The following RICTOR variants were observed in gnomAD, a reference collection of about 807,000 sequenced individuals.
RICTOR encodes the protein rapamycin-insensitive companion of mTOR.
Under a neutral mutation model 214.9 loss-of-function variants are expected in RICTOR, and 49 were observed. The observed-to-expected ratio is 0.23, with a 90% confidence interval of 0.18 to 0.29. The LOEUF is 0.29. Among genes scored for constraint, RICTOR ranks in the 10% least tolerant of loss-of-function variants. The pLI is 1.00. For synonymous variants in RICTOR, 717 were observed against 711.3 expected (o/e 1.01, Z -0.13); for missense variants, 1,625 against 2,047.0 (o/e 0.79, Z 3.98).
chr5:39,063,053 T>C (rs1758663546), intron 2 of RICTOR, among the ~76,000 whole-genome samples: 1 of 152,138 alleles, frequency 6.6e-6, no homozygotes, highest in South Asian at 2.1e-4. Flanking sequence ...CCAGACTGCA[T>C]ACATCTAGAA....
At chr5:39,060,914 T>A (rs1758498472) in intron 2 of RICTOR, among the ~76,000 whole-genome samples, 1 of 152,008 alleles carries the variant, frequency 6.6e-6, no homozygotes, top group African/African-American at 2.4e-5. Context: ...AATACCTATA[T>A]GATCTTGGGC....
chr5:38,990,691 A>C (rs372862784), intron 7 of RICTOR, among the ~76,000 whole-genome samples: 181 of 4,806 alleles, frequency 0.038, 8 homozygotes, highest in East Asian at 0.07. Context: ...TATCATATAT[A>C]TGATATATAT....
At chr5:38,976,788 A>G (rs1375195928) in intron 9 of RICTOR, among the ~76,000 whole-genome samples, 1 of 152,206 alleles carries the variant, frequency 6.6e-6, no homozygotes, top group African/African-American at 2.4e-5. Context: ...CAAATAGGAA[A>G]GATTCTGATG....
At chr5:39,040,936 T>C (rs1416709247) in intron 2 of RICTOR, among the ~76,000 whole-genome samples, 4 of 152,148 alleles carry the variant, frequency 2.6e-5, no homozygotes, top group African/African-American at 9.7e-5. Flanking sequence ...AACAGTAATA[T>C]AATAGACAGG....
At chr5:39,010,025 C>T (rs185454663) in intron 3 of RICTOR, among the ~76,000 whole-genome samples, 50 of 152,254 alleles carry the variant, frequency 3.3e-4, no homozygotes, top group Admixed American at 9.8e-4. Flanking sequence ...CAAAATCTCA[C>T]CTTGAATTCT....
At chr5:38,991,994 G>C (rs1291686670) in intron 6 of RICTOR, among the ~76,000 whole-genome samples, 4 of 152,034 alleles carry the variant, frequency 2.6e-5, no homozygotes, top group Non-Finnish European at 5.9e-5. Context: ...CTTGTGAGAT[G>C]AAACAATTAG....
chr5:39,014,726 C>G (rs879915313), intron 3 of RICTOR, among the ~76,000 whole-genome samples: 2 of 152,034 alleles, frequency 1.3e-5, no homozygotes, highest in African/African-American at 2.4e-5. Context: ...ATTACTTTAT[C>G]CAGTGAGATG....
intron 2 of RICTOR, among the ~76,000 whole-genome samples, chr5:39,039,239 G>C (rs1203453272): frequency 2.6e-5 from 4 of 152,130 alleles, no homozygotes; most frequent in Admixed American, 2.0e-4. Flanking sequence ...TTAATAAATG[G>C]TGCTGGGAAA....
chr5:38,976,772 C>T (rs778250341), intron 9 of RICTOR, among the ~76,000 whole-genome samples: 1 of 152,142 alleles, frequency 6.6e-6, no homozygotes, highest in Non-Finnish European at 1.5e-5. Flanking sequence ...GAAGAAAGTA[C>T]AGAACCAAAT....
Position 38,940,257 on chromosome 5 carries a change from G to T in RICTOR, c.*2047C>A, listed in dbSNP as rs141174635. 2.1e-3 allele frequency: 473 copies of T among 229,622 alleles called. 9 individuals are homozygous for T. In the East Asian group the frequency reaches 0.028, roughly 14 times the overall value. 14.2% of individuals were successfully genotyped at this position (229,622 alleles called of 1,614,324 possible). ...GGTGGGGGAGGGGGTGTGTGTGTGT[G>T]TAAGACAAAAAAAAAATTACTGTTA... On this transcript the variant is annotated 3_prime_UTR_variant, in exon 38 of 38. Coordinates refer to ENST00000357387, the MANE Select transcript of RICTOR (RefSeq NM_152756.5).
At chr5:39,049,384 T>C (rs897478471) in intron 2 of RICTOR, among the ~76,000 whole-genome samples, 1 of 152,320 alleles carries the variant, frequency 6.6e-6, no homozygotes, top group African/African-American at 2.4e-5. Context: ...GCTGGTAAAC[T>C]TGTTCATAGA....
rs769030481 is a variant in RICTOR, at chr5:38,958,641, T to C, written c.2343+26A>G. On this transcript the variant is annotated intron_variant, in intron 23 of 37. Transcript: ENST00000357387. ...TGAGTATTTCAAAAAAATTTAAGTA[T>C]TAAATTATAAAAAATGAACCTTTAC... 7.1e-6 allele frequency: 11 copies of C among 1,557,286 alleles called. No individual in the cohort carries two copies. The South Asian group carries it at 9.6e-5, about 14-fold the overall frequency.
chr5:38,959,693 G>T, intron 21 of RICTOR, 86 bp downstream of exon 21: 1 of 863,490 alleles, frequency 1.2e-6, no homozygotes. Flanking sequence ...CCAAACACAT[G>T]TACACAGAAT....
At chr5:38,997,270 T>G (rs1325064466) in intron 5 of RICTOR, among the ~76,000 whole-genome samples, 1 of 152,146 alleles carries the variant, frequency 6.6e-6, no homozygotes, top group Non-Finnish European at 1.5e-5. Context: ...TTTCATTTAA[T>G]TGCAATTTTG....
chr5:39,039,182 C>G (rs1171811622), intron 2 of RICTOR, among the ~76,000 whole-genome samples: 1 of 152,156 alleles, frequency 6.6e-6, no homozygotes, highest in East Asian at 1.9e-4. Flanking sequence ...ATTATCTGAT[C>G]TTTGACAAAC....
intron 7 of RICTOR, among the ~76,000 whole-genome samples, chr5:38,989,999 G>C (rs1752464456): frequency 6.6e-6 from 1 of 151,860 alleles, no homozygotes; most frequent in African/African-American, 2.4e-5. Flanking sequence ...TCTCATTACT[G>C]GGTATATTTA....
chr5:38,985,700 T>G (rs1357670832), intron 7 of RICTOR, among the ~76,000 whole-genome samples: 3 of 136,514 alleles, frequency 2.2e-5, no homozygotes, highest in African/African-American at 8.9e-5. Context: ...TACAATTCTA[T>G]TTTTTTTTTT....
At chr5:39,047,310 T>C (rs1162615071) in intron 2 of RICTOR, among the ~76,000 whole-genome samples, 1 of 152,142 alleles carries the variant, frequency 6.6e-6, no homozygotes, top group East Asian at 1.9e-4. Context: ...TAGATTCTCA[T>C]AAGGAGGGCA....
chr5:38,943,687 C>A (rs763242228), intron 36 of RICTOR, among the ~76,000 whole-genome samples: 1 of 152,110 alleles, frequency 6.6e-6, no homozygotes, highest in Non-Finnish European at 1.5e-5. Context: ...GTGGTACACA[C>A]CTGTAATCCC....
Sources: gnomAD v4.1 joint callset for allele counts (sites outside exome capture counted in the v4.1 genomes callset) on GRCh38, gnomAD v4.1.1 for gene constraint, MANE v1.5 for transcripts, NCBI Gene and HGNC (gene_info 2026-07-23, HGNC 2026-07-21) for gene names.